TSGA10: variants seen among roughly 807,000 people sequenced by gnomAD.
The protein encoded by TSGA10 is testis specific 10.
In TSGA10, 43 loss-of-function variants were observed where a neutral mutation model predicts 96.6. The observed-to-expected ratio is 0.44, with a 90% CI of 0.35 to 0.57. The LOEUF is 0.57. Ranked by LOEUF, TSGA10 falls within the 20% of genes least tolerant of loss-of-function variation. TSGA10 has a pLI of 0.01. For synonymous variants in TSGA10, 229 were observed against 269.9 expected (o/e 0.85, Z 1.48); for missense variants, 703 against 834.4 (o/e 0.84, Z 1.94).
chr2:99,028,797 T>G (rs748962644), intron 17 of TSGA10, among the ~76,000 whole-genome samples: 29 of 152,212 alleles, frequency 1.9e-4, no homozygotes, highest in Non-Finnish European at 2.6e-4. Flanking sequence ...ATTTTTGTTT[T>G]CGTGATGTTT....
intron 16 of TSGA10, among the ~76,000 whole-genome samples, chr2:99,035,738 A>G (rs1573687071): frequency 6.6e-6 from 1 of 151,900 alleles, no homozygotes; most frequent in Admixed American, 6.6e-5. Flanking sequence ...ACTAGTTGAG[A>G]TATATCATTT....
chr2:99,098,416 G>T (rs2090309537), intron 10 of TSGA10, among the ~76,000 whole-genome samples: 1 of 140,430 alleles, frequency 7.1e-6, no homozygotes, highest in South Asian at 2.2e-4. Flanking sequence ...TCCAACCTGG[G>T]TGACAGAGAG....
rs537674961 is a variant in TSGA10, at chr2:98,997,454, C to T, written c.*743G>A. 7 of 151,866 alleles carry T rather than the reference C, an allele frequency of 4.6e-5. No homozygotes were observed. Among genetic ancestry groups the T allele is most frequent in the Admixed American group, 4.6e-4 (7 of 15,244 alleles). 9.4% of individuals were successfully genotyped at this position (151,866 alleles called of 1,614,324 possible). On this transcript the variant is annotated 3_prime_UTR_variant, in exon 21 of 21. Transcript: ENST00000393483. ...TATTACTCCAGATTACAGACAGCTG[C>T]CACAGACAATAAAATAAAATCGCAA...
chr2:99,033,351 T>C (rs142767263), intron 17 of TSGA10, among the ~76,000 whole-genome samples: 1 of 152,336 alleles, frequency 6.6e-6, no homozygotes, highest in East Asian at 1.9e-4. Flanking sequence ...GAGATGACTT[T>C]CTAAAGGTGT....
chr2:99,054,943 A>G (rs1238880925), intron 16 of TSGA10, among the ~76,000 whole-genome samples: 1 of 152,252 alleles, frequency 6.6e-6, no homozygotes, highest in Non-Finnish European at 1.5e-5. Flanking sequence ...TATGGGAAAC[A>G]GTATAAAAGT....
chr2:99,034,781 G>C (rs2081472575), intron 17 of TSGA10, among the ~76,000 whole-genome samples: 1 of 152,106 alleles, frequency 6.6e-6, no homozygotes, highest in African/African-American at 2.4e-5. Context: ...GGAAGTCCCT[G>C]AGGACAGGAA....
rs539884781 is a variant in TSGA10 at position 99,111,140 on chromosome 2, T to A, written c.-139-225A>T. ...CTTAAATTCAATCTTTTGTATAAAA[T>A]GTTAATTGATTGTATTTTACCAAAT... On this transcript the variant is annotated intron_variant, in intron 4 of 20. Transcript: ENST00000393483. 3.3e-5 allele frequency among the ~76,000 whole-genome samples: 5 copies of A among 152,222 alleles called. No homozygotes were observed. The East Asian group carries it at 9.6e-4, about 29-fold the overall frequency.
intron 20 of TSGA10, among the ~76,000 whole-genome samples, chr2:98,998,948 G>A (rs958775350): frequency 3.4e-4 from 52 of 152,068 alleles, no homozygotes; most frequent in African/African-American, 1.3e-3. Context: ...CCAGGCTGAA[G>A]TGCAGTGACA....
intron 4 of TSGA10, among the ~76,000 whole-genome samples, chr2:99,116,456 T>C (rs1460213803): frequency 5.9e-5 from 9 of 151,924 alleles, no homozygotes; most frequent in Non-Finnish European, 1.3e-4. Flanking sequence ...TGAAAACAAA[T>C]AGTCCAGAAA....
chr2:99,092,979 T>A lies in TSGA10; in HGVS notation c.611+10988A>T, dbSNP rs970647350. ...TGAAACTATAGACCAATATATCTGA[T>A]GAATATAGATGCAAAAATCCTTAAC... is the stretch of plus-strand genomic sequence containing the variant. On this transcript the variant is annotated intron_variant, in intron 10 of 20. Coordinates refer to ENST00000393483, the MANE Select transcript of TSGA10 (RefSeq NM_025244.4). Among the ~76,000 whole-genome samples, 31 of 152,152 alleles carry A rather than the reference T, an allele frequency of 2.0e-4. 1 individual carries two copies. Among genetic ancestry groups the A allele is most frequent in the African/African-American group, 7.5e-4 (31 of 41,504 alleles).
intron 2 of TSGA10, chr2:99,125,282 T>C (rs1193400100): frequency 1.3e-5 from 2 of 152,224 alleles, no homozygotes; most frequent in East Asian, 3.8e-4. Flanking sequence ...TATTGAAAGA[T>C]ATCTTGGTTG....
At chr2:99,014,947 T>C (rs545703851) in intron 20 of TSGA10, among the ~76,000 whole-genome samples, 16 of 152,124 alleles carry the variant, frequency 1.1e-4, no homozygotes, top group Non-Finnish European at 1.5e-4. Context: ...CAGGAAGACA[T>C]AGAAACTCTG....
At chr2:99,070,195 G>C (rs114156080) in intron 14 of TSGA10, among the ~76,000 whole-genome samples, 1,675 of 152,220 alleles carry the variant, frequency 0.011, 14 homozygotes, top group Middle Eastern at 0.02. Context: ...CAATATTATA[G>C]TAAGCTAATA....
intron 16 of TSGA10, among the ~76,000 whole-genome samples, chr2:99,053,353 C>CAA (rs199505766): frequency 4.6e-4 from 54 of 116,670 alleles, no homozygotes; most frequent in African/African-American, 1.1e-3. Flanking sequence ...CAAAAATTTC[C>CAA]AAAAAAAAAA....
intron 2 of TSGA10, among the ~76,000 whole-genome samples, chr2:99,123,077 G>A (rs923728652): frequency 7.2e-5 from 11 of 152,040 alleles, no homozygotes; most frequent in South Asian, 4.2e-4. Context: ...GAAAAATGTC[G>A]TGCCACTTCC....
chr2:99,061,566 T>C (rs1330472822), intron 16 of TSGA10, among the ~76,000 whole-genome samples: 1 of 152,206 alleles, frequency 6.6e-6, no homozygotes, highest in Non-Finnish European at 1.5e-5. Flanking sequence ...ATACTAGATA[T>C]TATTTATTCA....
intron 20 of TSGA10, among the ~76,000 whole-genome samples, chr2:99,002,391 C>T (rs1020810645): frequency 3.9e-5 from 6 of 152,078 alleles, no homozygotes; most frequent in African/African-American, 7.2e-5. Flanking sequence ...AACTAAGCTT[C>T]GTAAGTGAAG....
At chr2:99,146,576 T>C (rs185629343) in intron 1 of TSGA10, among the ~76,000 whole-genome samples, 1 of 152,344 alleles carries the variant, frequency 6.6e-6, no homozygotes, top group African/African-American at 2.4e-5. Context: ...TATTTTCTTC[T>C]ATTGCATTTA....
At chr2:98,998,272 A>C in intron 20 of TSGA10, 51 bp from the exon 21 acceptor site, 5 of 1,471,496 alleles carry the variant, frequency 3.4e-6, no homozygotes, top group Non-Finnish European at 4.7e-6. Flanking sequence ...AACTTTTTCA[A>C]CATGTGTAAC....
Sources: gnomAD v4.1 joint callset for allele counts (sites outside exome capture counted in the v4.1 genomes callset) on GRCh38, gnomAD v4.1.1 for gene constraint, MANE v1.5 for transcripts, NCBI Gene and HGNC (gene_info 2026-07-23, HGNC 2026-07-21) for gene names.